Variants in NIBAN3 observed in about 807,000 individuals in gnomAD.
The protein encoded by NIBAN3 is protein Niban 3.
A neutral mutation model predicts 76.4 loss-of-function variants in NIBAN3; 66 were observed. The ratio of observed to expected loss-of-function variants is 0.86; its 90% CI spans 0.71 to 1.06. NIBAN3 has a LOEUF of 1.06. Among genes scored for constraint, NIBAN3 ranks in the 50% least tolerant of loss-of-function variants. NIBAN3 has a pLI of 0.00. For synonymous variants in NIBAN3, 360 were observed against 355.2 expected, an observed-to-expected ratio of 1.01 and a Z score of -0.15; for missense variants, 808 against 810.7, an observed-to-expected ratio of 1.00 and a Z score of 0.04.
chr19:17,539,072 G>T, intron 5 of NIBAN3, 78 bp from the exon 6 acceptor site: 1 of 1,309,456 alleles, frequency 7.6e-7, no homozygotes. Flanking sequence ...ACCTGGCCAG[G>T]CGGAGGGCTT....
chr19:17,536,203 T>C (rs2075822250), intron 4 of NIBAN3, among the ~76,000 whole-genome samples: 1 of 152,214 alleles, frequency 6.6e-6, no homozygotes, highest in Non-Finnish European at 1.5e-5. Flanking sequence ...TTTTTGTTTT[T>C]GGACAGAGTC....
chr19:17,549,774 G>A, intron 14 of NIBAN3: 2 of 576,488 alleles, frequency 3.5e-6, no homozygotes, highest in Non-Finnish European at 6.2e-6. Flanking sequence ...GCTCAGCCCT[G>A]GGGGGCTGAG....
chr19:17,535,604 C>A (rs141978958), intron 4 of NIBAN3, among the ~76,000 whole-genome samples: 1 of 152,000 alleles, frequency 6.6e-6, no homozygotes, highest in Non-Finnish European at 1.5e-5. Context: ...AAAAATTAGC[C>A]GAGCGTGGTG....
At chr19:17,540,212 G>A in intron 8 of NIBAN3, 180 bp from the exon 9 acceptor site, 2 of 451,108 alleles carry the variant, frequency 4.4e-6, no homozygotes, top group Admixed American at 8.5e-5. Flanking sequence ...CCCCTACAAA[G>A]ACCCAGGTGG....
At chr19:17,544,624 T>C (rs536247461) in intron 12 of NIBAN3, among the ~76,000 whole-genome samples, 25 of 152,344 alleles carry the variant, frequency 1.6e-4, no homozygotes, top group Admixed American at 1.5e-3. Flanking sequence ...GGCCTGACCA[T>C]GCCTGGTGTG....
At chr19:17,550,188 G>A (rs2076132206) in intron 14 of NIBAN3, among the ~76,000 whole-genome samples, 1 of 152,142 alleles carries the variant, frequency 6.6e-6, no homozygotes, top group Non-Finnish European at 1.5e-5. Flanking sequence ...TCGCCAACTT[G>A]GAAAGGGAGA....
chr19:17,528,563 A>G (rs1163899453), intron 1 of NIBAN3, among the ~76,000 whole-genome samples: 1 of 152,076 alleles, frequency 6.6e-6, no homozygotes, highest in African/African-American at 2.4e-5. Context: ...CTGGGGATGG[A>G]GGCTCAGTTC....
chr19:17,539,861 A>T (rs995748047), intron 8 of NIBAN3, 96 bp downstream of exon 8: 4 of 995,062 alleles, frequency 4.0e-6, no homozygotes, highest in Admixed American at 2.8e-5. Context: ...GAAGTTATGT[A>T]AAATGGGGGC....
chr19:17,550,899 T>C (rs1482131111), intron 14 of NIBAN3, among the ~76,000 whole-genome samples: 1 of 130,540 alleles, frequency 7.7e-6, no homozygotes, highest in Non-Finnish European at 1.6e-5. Context: ...AATCCCGCAA[T>C]GGGAACCCTC....
chr19:17,534,804 A>AAG (rs1555756798), intron 4 of NIBAN3, among the ~76,000 whole-genome samples: 93 of 147,726 alleles, frequency 6.3e-4, no homozygotes, highest in Middle Eastern at 3.5e-3. Flanking sequence ...AAAAAAAAAA[A>AAG]AAAGAAAAGA....
chr19:17,542,158 C>T lies in NIBAN3; in HGVS notation c.1193C>T (p.Pro398Leu), dbSNP rs768814483. Reference protein sequence around the residue: ...RREVYSFGEMPWDLALMQTCY... With the variant: ...RREVYSFGEMLWDLALMQTCY... Reference sequence around the variant, plus strand: ...CAGGTTTACTCATTTGGGGAGATGCCGTGGGACTTGGCGCTGATGCAGACA... The same window carrying T: ...CAGGTTTACTCATTTGGGGAGATGCTGTGGGACTTGGCGCTGATGCAGACA... Residue 398 changes from proline to leucine, a missense_variant, in exon 10 of 15, where the codon CCG (proline) becomes CTG (leucine). Pro to Leu is a moderately conservative substitution (Grantham distance 98). Coordinates refer to ENST00000599164, the MANE Select transcript of NIBAN3 (RefSeq NM_001321827.2). The surrounding 1 kb of genome is among the most constrained non-coding windows in gnomAD (Gnocchi z 4.8). 25 of 1,613,966 alleles carry T rather than the reference C, an allele frequency of 1.5e-5. No individual in the cohort carries two copies. Among genetic ancestry groups the T allele is most frequent in the South Asian group, 1.2e-4 (11 of 91,092 alleles).
In NIBAN3 at chr19:17,553,293, CTT is replaced by C; in HGVS notation, c.*1398_*1399del. 6.2e-7 allele frequency: 1 copy of C among 1,610,160 alleles called. No homozygotes were observed. The highest frequency in any genetic ancestry group is 8.5e-7 in the Non-Finnish European group (1 of 1,177,468). On this transcript the variant is annotated 3_prime_UTR_variant, in exon 15 of 15. Coordinates refer to ENST00000599164, the MANE Select transcript of NIBAN3 (RefSeq NM_001321827.2). ...GTTTTTTTCTCCGCTTGCTGTGAGC[CTT>C]TTGGGTTTGTTTCCTAGCTCCAAAT...
intron 4 of NIBAN3, among the ~76,000 whole-genome samples, chr19:17,534,181 T>C (rs1267655557): frequency 2.0e-5 from 3 of 151,236 alleles, no homozygotes; most frequent in Non-Finnish European, 3.0e-5. Flanking sequence ...GCCTGGGCAA[T>C]AGACTGAAAC....
intron 4 of NIBAN3, among the ~76,000 whole-genome samples, chr19:17,534,618 C>T (rs1490829768): frequency 6.6e-6 from 1 of 152,044 alleles, no homozygotes; most frequent in East Asian, 1.9e-4. Flanking sequence ...GGTGAAACCC[C>T]ATCTCTACTA....
At chr19:17,544,438 G>A (rs1223794950) in intron 12 of NIBAN3, among the ~76,000 whole-genome samples, 5 of 152,204 alleles carry the variant, frequency 3.3e-5, no homozygotes, top group South Asian at 2.1e-4. Context: ...CCCACACATC[G>A]CATATCACCT....
intron 9 of NIBAN3, among the ~76,000 whole-genome samples, chr19:17,541,436 ACT>A (rs1350604529): frequency 1.3e-5 from 2 of 151,858 alleles, no homozygotes; most frequent in African/African-American, 2.4e-5. Flanking sequence ...TGATTTCTAT[ACT>A]CTGTCTCCCC....
upstream of NIBAN3, among the ~76,000 whole-genome samples, chr19:17,525,721 T>G (rs1034873438): frequency 2.0e-5 from 3 of 152,234 alleles, no homozygotes; most frequent in Non-Finnish European, 4.4e-5. Context: ...CCCTCAGTGG[T>G]GCTTTCCCAA....
At chr19:17,543,794 T>G in intron 12 of NIBAN3, 163 bp downstream of exon 12, 1 of 557,402 alleles carries the variant, frequency 1.8e-6, no homozygotes, top group Non-Finnish European at 3.2e-6. Context: ...AGTTCGAGAC[T>G]AGCCTGGCTA....
intron 3 of NIBAN3, among the ~76,000 whole-genome samples, chr19:17,532,735 C>T (rs116199724): frequency 2.0e-5 from 3 of 152,282 alleles, no homozygotes; most frequent in Middle Eastern, 3.4e-3. Flanking sequence ...GTTTCCACTT[C>T]TGTGAAATGG....
Sources: gnomAD v4.1 joint callset for allele counts (sites outside exome capture counted in the v4.1 genomes callset) on GRCh38, gnomAD v4.1.1 for gene constraint, Gnocchi (gnomAD v3.1) non-coding constraint, MANE v1.5 for transcripts, NCBI Gene and HGNC (gene_info 2026-07-23, HGNC 2026-07-21) for gene names.